The following TBC1D5 variants were observed in gnomAD, a reference collection of about 807,000 sequenced individuals.
The protein encoded by TBC1D5 is TBC1 domain family member 5.
TBC1D5 carries 75 observed loss-of-function variants against 100.3 expected under a neutral mutation model. The observed-to-expected ratio is 0.75, with a 90% confidence interval of 0.62 to 0.91. The LOEUF is 0.91. Ranked by LOEUF, TBC1D5 falls within the 40% of genes least tolerant of loss-of-function variation. TBC1D5 has a pLI of 0.00. For synonymous variants in TBC1D5, 323 were observed against 325.6 expected, an observed-to-expected ratio of 0.99 and a Z score of 0.09; for missense variants, 910 against 942.4, an observed-to-expected ratio of 0.97 and a Z score of 0.45.
intron 1 of TBC1D5, among the ~76,000 whole-genome samples, chr3:17,658,447 T>C (rs1424546454): frequency 6.6e-6 from 1 of 152,122 alleles, no homozygotes; most frequent in African/African-American, 2.4e-5. Context: ...AGGAAAAATC[T>C]CATGAGATGA....
intron 13 of TBC1D5, among the ~76,000 whole-genome samples, chr3:17,370,556 C>T (rs1319544270): frequency 6.6e-6 from 1 of 152,056 alleles, no homozygotes; most frequent in Non-Finnish European, 1.5e-5. Context: ...TTCTCATTTC[C>T]AGTGGAAATA....
chr3:17,522,094 T>C (rs2096069626), intron 2 of TBC1D5, among the ~76,000 whole-genome samples: 1 of 151,994 alleles, frequency 6.6e-6, no homozygotes, highest in South Asian at 2.1e-4. Flanking sequence ...TAAATATATA[T>C]AGACTTTATA....
chr3:17,290,350 T>C (rs2081602132), intron 15 of TBC1D5, among the ~76,000 whole-genome samples: 2 of 152,216 alleles, frequency 1.3e-5, no homozygotes, highest in African/African-American at 4.8e-5. Flanking sequence ...ACTGATGAAC[T>C]TAGAATAAAG....
chr3:17,276,421 G>C (rs2080021877), intron 15 of TBC1D5, among the ~76,000 whole-genome samples: 1 of 152,160 alleles, frequency 6.6e-6, no homozygotes, highest in African/African-American at 2.4e-5. Flanking sequence ...GGATCAACAT[G>C]GGGGCATGAG....
At chr3:17,473,086 CAACT>C (rs1211957085) in intron 3 of TBC1D5, among the ~76,000 whole-genome samples, 1 of 152,076 alleles carries the variant, frequency 6.6e-6, no homozygotes, top group Non-Finnish European at 1.5e-5. Context: ...GAATATAAAT[CAACT>C]AACACATTGG....
At chr3:17,380,542 C>T (rs185155081) in intron 9 of TBC1D5, among the ~76,000 whole-genome samples, 8 of 152,128 alleles carry the variant, frequency 5.3e-5, no homozygotes, top group East Asian at 1.9e-4. Context: ...ATTGATAGTA[C>T]GCTTCTGGTT....
At chr3:17,621,618 G>T (rs1298567800) in intron 2 of TBC1D5, among the ~76,000 whole-genome samples, 1 of 151,936 alleles carries the variant, frequency 6.6e-6, no homozygotes, top group African/African-American at 2.4e-5. Context: ...TCCCATAATT[G>T]TCCTTTCCTC....
intron 19 of TBC1D5, among the ~76,000 whole-genome samples, chr3:17,171,531 C>T (rs1406079747): frequency 1.3e-5 from 2 of 152,148 alleles, no homozygotes; most frequent in Non-Finnish European, 2.9e-5. Flanking sequence ...TGGTGGTTGT[C>T]AACAATCCTT....
chr3:17,486,301 T>C (rs1425616158), intron 3 of TBC1D5, among the ~76,000 whole-genome samples: 3 of 152,308 alleles, frequency 2.0e-5, no homozygotes, highest in East Asian at 3.9e-4. Flanking sequence ...CTGTTCACTC[T>C]GATGGTAGTT....
chr3:17,452,510 C>CA (rs2094951286), intron 3 of TBC1D5, among the ~76,000 whole-genome samples: 1 of 151,320 alleles, frequency 6.6e-6, no homozygotes, highest in Non-Finnish European at 1.5e-5. Flanking sequence ...CAGTGGATAC[C>CA]AAAAAAGAAG....
At chr3:17,173,804 A>G (rs2067411961) in intron 19 of TBC1D5, among the ~76,000 whole-genome samples, 1 of 152,204 alleles carries the variant, frequency 6.6e-6, no homozygotes, top group Admixed American at 6.6e-5. Context: ...ATGCTGTTAT[A>G]AAATAGAGAG....
chr3:17,370,276 A>G (rs893985623), intron 13 of TBC1D5, among the ~76,000 whole-genome samples: 24 of 152,332 alleles, frequency 1.6e-4, no homozygotes, highest in Non-Finnish European at 2.2e-4. Flanking sequence ...AAACATGTTC[A>G]ACATCAACTT....
intron 1 of TBC1D5, among the ~76,000 whole-genome samples, chr3:17,678,489 T>C (rs2068940112): frequency 6.6e-6 from 1 of 151,998 alleles, no homozygotes; most frequent in Admixed American, 6.6e-5. Context: ...AGATCACAAA[T>C]TTTTGGAAAA....
intron 2 of TBC1D5, among the ~76,000 whole-genome samples, chr3:17,611,510 C>G (rs1022660121): frequency 1.3e-5 from 2 of 152,140 alleles, no homozygotes; most frequent in African/African-American, 4.8e-5. Flanking sequence ...ACGTTTACAG[C>G]AGCCAAGAAG....
chr3:17,367,267 CTAAG>C (rs2092202588), intron 13 of TBC1D5, among the ~76,000 whole-genome samples: 1 of 152,128 alleles, frequency 6.6e-6, no homozygotes, highest in Admixed American at 6.5e-5. Context: ...TAAATCTGCT[CTAAG>C]TTAGAGTTTT....
At chr3:17,224,238 C>A (rs1302052117) in intron 17 of TBC1D5, among the ~76,000 whole-genome samples, 3 of 152,176 alleles carry the variant, frequency 2.0e-5, no homozygotes, top group Non-Finnish European at 2.9e-5. Context: ...AAAGCTAGCA[C>A]AGTGCCTGCA....
At chr3:17,655,139 G>GT (rs1449290917) in intron 1 of TBC1D5, among the ~76,000 whole-genome samples, 1 of 151,758 alleles carries the variant, frequency 6.6e-6, no homozygotes, top group Non-Finnish European at 1.5e-5. Context: ...TTTTTGAAGG[G>GT]TTTTTTGTGT....
At chr3:17,516,950 C>A (rs2095998046) in intron 2 of TBC1D5, among the ~76,000 whole-genome samples, 1 of 152,170 alleles carries the variant, frequency 6.6e-6, no homozygotes, top group East Asian at 1.9e-4. Flanking sequence ...CTTCGCACAT[C>A]CCCATCTCCT....
chr3:17,270,405 C>T (rs773345676), intron 15 of TBC1D5, among the ~76,000 whole-genome samples: 3 of 152,064 alleles, frequency 2.0e-5, no homozygotes, highest in Admixed American at 2.0e-4. Flanking sequence ...CTATCAGTCC[C>T]GCAGCAATGG....
Sources: allele counts gnomAD v4.1 joint callset (sites outside exome capture counted in the v4.1 genomes callset), GRCh38; gene constraint gnomAD v4.1.1; transcripts MANE v1.5; gene names NCBI Gene and HGNC (gene_info 2026-07-23, HGNC 2026-07-21).